EYS: variants seen among roughly 807,000 people sequenced by gnomAD.
EYS encodes the protein EGF-like photoreceptor maintenance factor.
Under a neutral mutation model 282.1 loss-of-function variants are expected in EYS, and 250 were observed. The ratio of observed to expected loss-of-function variants is 0.89; its 90% CI spans 0.80 to 0.98. EYS has a LOEUF of 0.98. Ranked by LOEUF, EYS falls within the 50% of genes least tolerant of loss-of-function variation. The pLI, the probability that EYS is intolerant of heterozygous loss-of-function variation, is 0.00. For synonymous variants in EYS, 1,355 were observed against 1,282.9 expected (o/e 1.06, Z -1.20); for missense variants, 4,016 against 3,709.0 (o/e 1.08, Z -2.15).
intron 1 of EYS, among the ~76,000 whole-genome samples, chr6:65,665,995 T>G (rs1041320639): frequency 4.6e-5 from 7 of 152,030 alleles, no homozygotes; most frequent in Admixed American, 2.0e-4. Flanking sequence ...TCAAAGGAAG[T>G]TCTGATTTGT....
chr6:65,457,157 T>TTG (rs1764652838), intron 5 of EYS, among the ~76,000 whole-genome samples: 1 of 151,936 alleles, frequency 6.6e-6, no homozygotes, highest in Non-Finnish European at 1.5e-5. Context: ...GTTGTTGTTG[T>TTG]TGTTGTGTTT....
chr6:65,404,264 A>G (rs1161928927), intron 6 of EYS, among the ~76,000 whole-genome samples: 1 of 151,980 alleles, frequency 6.6e-6, no homozygotes, highest in East Asian at 1.9e-4. Context: ...TTGTGATTAC[A>G]CTGGATCCAC....
chr6:65,473,432 T>C (rs938987065), intron 5 of EYS, among the ~76,000 whole-genome samples: 14 of 151,940 alleles, frequency 9.2e-5, no homozygotes, highest in Admixed American at 9.2e-4. Flanking sequence ...GTATTGGCAG[T>C]AGTGCTGAGA....
intron 29 of EYS, among the ~76,000 whole-genome samples, chr6:64,381,646 A>G (rs1772751846): frequency 1.3e-5 from 2 of 152,214 alleles, no homozygotes; most frequent in South Asian, 4.1e-4. Context: ...TGTTATGAAC[A>G]TTCCAGTACC....
At chr6:65,556,683 C>T (rs1929337) in intron 2 of EYS, among the ~76,000 whole-genome samples, 83,452 of 151,832 alleles carry the variant, frequency 0.55, 22,963 homozygotes, top group East Asian at 0.71. Context: ...ATTAGTTCCA[C>T]GGGCATTATA....
At chr6:64,061,654 AT>A (rs1432881178) in intron 33 of EYS, among the ~76,000 whole-genome samples, 1 of 152,214 alleles carries the variant, frequency 6.6e-6, no homozygotes, top group Non-Finnish European at 1.5e-5. Context: ...ATAAAGCCAT[AT>A]TTTACAAGTT....
chr6:65,412,044 G>T (rs568267746), intron 5 of EYS, among the ~76,000 whole-genome samples: 1 of 152,088 alleles, frequency 6.6e-6, no homozygotes, highest in South Asian at 2.1e-4. Context: ...TATGACAGTG[G>T]AGCTCTCATG....
chr6:64,389,129 T>C (rs1193946845), intron 28 of EYS, among the ~76,000 whole-genome samples: 5 of 152,222 alleles, frequency 3.3e-5, no homozygotes, highest in Non-Finnish European at 7.3e-5. Flanking sequence ...TGATGGATTA[T>C]AATATTCCAT....
chr6:65,677,105 GAAAAAA>G (rs58880200), intron 1 of EYS, among the ~76,000 whole-genome samples: 32 of 107,664 alleles, frequency 3.0e-4, no homozygotes, highest in Non-Finnish European at 3.4e-4. Flanking sequence ...AGTCATTGGT[GAAAAAA>G]AAAAAAAAAA....
At chr6:63,842,847 C>T (rs182413199) in intron 36 of EYS, among the ~76,000 whole-genome samples, 1 of 152,246 alleles carries the variant, frequency 6.6e-6, no homozygotes, top group African/African-American at 2.4e-5. Flanking sequence ...TTCCCAACAC[C>T]ATTTATTAAA....
intron 36 of EYS, among the ~76,000 whole-genome samples, chr6:63,851,173 G>A (rs1348270953): frequency 2.0e-5 from 3 of 152,128 alleles, no homozygotes; most frequent in African/African-American, 7.2e-5. Context: ...GATTCATAAA[G>A]CAAGTTCTTA....
At chr6:64,328,839 T>C (rs1770528670) in intron 29 of EYS, among the ~76,000 whole-genome samples, 1 of 152,028 alleles carries the variant, frequency 6.6e-6, no homozygotes, top group Non-Finnish European at 1.5e-5. Flanking sequence ...ACAAGCTAGG[T>C]AAAACTAGGT....
chr6:64,557,505 A>C (rs1348647242), intron 26 of EYS, among the ~76,000 whole-genome samples: 1 of 151,914 alleles, frequency 6.6e-6, no homozygotes, highest in Admixed American at 6.6e-5. Flanking sequence ...TCTTTTCTTT[A>C]AAGTAATGGT....
intron 15 of EYS, among the ~76,000 whole-genome samples, chr6:64,925,197 A>C (rs148760707): frequency 6.6e-6 from 1 of 152,292 alleles, no homozygotes; most frequent in East Asian, 1.9e-4. Context: ...GAAGAAGCAA[A>C]AGCGAAAACC....
chr6:64,894,471 C>T (rs1046275143), intron 18 of EYS, among the ~76,000 whole-genome samples: 2 of 152,090 alleles, frequency 1.3e-5, no homozygotes, highest in Admixed American at 6.6e-5. Flanking sequence ...AGTCTACTTA[C>T]GGTGCTGCCT....
chr6:64,378,013 C>T (rs1747502805), intron 29 of EYS: 1 of 151,912 alleles, frequency 6.6e-6, no homozygotes, highest in African/African-American at 2.4e-5. Flanking sequence ...CCTAGCCAAA[C>T]AAACAAACAA....
At chr6:64,650,255 C>T (rs1247822014) in intron 22 of EYS, among the ~76,000 whole-genome samples, 1 of 151,602 alleles carries the variant, frequency 6.6e-6, no homozygotes, top group African/African-American at 2.4e-5. Flanking sequence ...ATTAAGTAAA[C>T]TAAATCTTTA....
At chr6:65,175,137 G>T (rs1765195159) in intron 12 of EYS, among the ~76,000 whole-genome samples, 1 of 151,322 alleles carries the variant, frequency 6.6e-6, no homozygotes, top group Non-Finnish European at 1.5e-5. Flanking sequence ...CAGTTAGAGA[G>T]ACTGTGAAAA....
rs144375663 is a variant in EYS at position 63,776,839 on chromosome 6, C to T, written c.7898+1167G>A. On this transcript the variant is annotated intron_variant, in intron 40 of 42. Transcript: ENST00000503581. ...CTTTCTAGATCCCTGTTTATTATCA[C>T]ATAAAAAAACCCCCAAAATACTTAG... is the stretch of plus-strand genomic sequence containing the variant. 9.9e-5 allele frequency among the ~76,000 whole-genome samples: 15 copies of T among 152,132 alleles called. No individual in the cohort carries two copies. In the East Asian group the frequency reaches 2.5e-3, roughly 26 times the overall value.
Sources: allele counts gnomAD v4.1 joint callset (sites outside exome capture counted in the v4.1 genomes callset), GRCh38; gene constraint gnomAD v4.1.1; transcripts MANE v1.5; gene names NCBI Gene and HGNC (gene_info 2026-07-23, HGNC 2026-07-21).